NWD1: variants seen among roughly 807,000 people sequenced by gnomAD.
NWD1 encodes the protein NACHT domain- and WD repeat-containing protein 1.
In NWD1, 129 loss-of-function variants were observed where a neutral mutation model predicts 135.1. The ratio of observed to expected loss-of-function variants is 0.96; its 90% CI spans 0.83 to 1.11. The LOEUF (loss-of-function observed/expected upper bound fraction) is 1.11, where lower values mean the gene tolerates loss of function less well. Ranked by LOEUF, NWD1 falls within the 50% of genes least tolerant of loss-of-function variation. The probability of loss-of-function intolerance (pLI) is 0.00; values close to 1 mark genes in which losing one functional copy is unlikely to be tolerated. For missense variants in NWD1, 1,740 were observed against 1,851.3 expected (o/e 0.94, Z 1.10); for synonymous variants, 773 against 786.0 (o/e 0.98, Z 0.28).
In NWD1 at chr19:16,800,065, C is replaced by T; in HGVS notation, c.3639C>T (p.Asp1213=). ...HRSRVPAPFL[D]RTGLTAVSHN... ...CCCGGGTGCCTGCACCATTTCTGGACCGCACCGGCCTCACCGCAGTGTCCC... is the reference window on the plus strand; with the variant it reads ...CCCGGGTGCCTGCACCATTTCTGGATCGCACCGGCCTCACCGCAGTGTCCC... Residue 1213 remains aspartate, a synonymous_variant, in exon 17 of 19, where the codon GAC becomes GAT. Coordinates refer to ENST00000524140, the MANE Select transcript of NWD1 (RefSeq NM_001007525.5). 1 of 1,614,156 alleles carries T rather than the reference C, an allele frequency of 6.2e-7. No individual in the cohort carries two copies. The highest frequency in any genetic ancestry group is 1.3e-5 in the African/African-American group (1 of 75,066).
At chr19:16,809,108 G>A (rs1483117517) in intron 18 of NWD1, among the ~76,000 whole-genome samples, 2 of 147,490 alleles carry the variant, frequency 1.4e-5, no homozygotes, top group Admixed American at 1.4e-4. Context: ...TTTTTTTTTT[G>A]AGATGGAGTC....
At chr19:16,737,577 T>C (rs569298666) in intron 4 of NWD1, among the ~76,000 whole-genome samples, 1,805 of 152,032 alleles carry the variant, frequency 0.012, 42 homozygotes, top group African/African-American at 0.041. Context: ...TTTTTTTTTT[T>C]TTTTGAGATG....
Position 16,759,314 on chromosome 19 carries a change from G to A in NWD1, c.1859G>A (p.Ser620Asn). The change falls in exon 7 of 19, where the codon AGC (serine) becomes AAC (asparagine). Residue 620 changes from serine to asparagine, a missense_variant. Coordinates refer to ENST00000524140, the MANE Select transcript of NWD1 (RefSeq NM_001007525.5). ...GTGTACCGAGATTGGACCCCGCCCA[G>A]CAAGGAGCTGCTGCGCTTCCCGCCC... ...QDVYRDWTPP[S>N]KELLRFPPLL... The A allele has an allele frequency of 6.2e-7, 1 of 1,614,096 alleles. No individual in the cohort carries two copies. Among genetic ancestry groups the A allele is most frequent in the South Asian group, 1.1e-5 (1 of 91,090 alleles).
At chr19:16,814,953 C>A in intron 18 of NWD1, 75 bp from the exon 19 acceptor site, 2 of 1,343,816 alleles carry the variant, frequency 1.5e-6, no homozygotes, top group Non-Finnish European at 2.1e-6. Flanking sequence ...TTCCATGCAG[C>A]CAACTCTGGA....
chr19:16,778,094 G>C (rs74706248), intron 11 of NWD1, among the ~76,000 whole-genome samples: 3,685 of 152,066 alleles, frequency 0.024, 151 homozygotes, highest in African/African-American at 0.084. Flanking sequence ...TCTCTGTCCC[G>C]ATGAGGTGGA....
chr19:16,793,903 T>A (rs781522475), intron 14 of NWD1, among the ~76,000 whole-genome samples: 55 of 151,864 alleles, frequency 3.6e-4, no homozygotes, highest in Middle Eastern at 3.2e-3. Context: ...ATTTAAAAAA[T>A]TTTTTAGAGA....
chr19:16,771,374 C>T (rs1258516067), intron 10 of NWD1, among the ~76,000 whole-genome samples: 5 of 152,200 alleles, frequency 3.3e-5, no homozygotes, highest in Middle Eastern at 3.4e-3. Context: ...TGCTTGAACC[C>T]GGGAGGCAGA....
chr19:16,752,685 C>G (rs554151225), intron 6 of NWD1, among the ~76,000 whole-genome samples: 1 of 152,088 alleles, frequency 6.6e-6, no homozygotes, highest in Non-Finnish European at 1.5e-5. Flanking sequence ...GATTTCCCGA[C>G]TGGCTTACAC....
chr19:16,754,174 TATCC>T (rs1417088452), intron 6 of NWD1, among the ~76,000 whole-genome samples: 2 of 150,480 alleles, frequency 1.3e-5, no homozygotes, highest in Non-Finnish European at 3.0e-5. Context: ...TCCATCCATC[TATCC>T]ATCATCTCGA....
chr19:16,754,187 G>A (rs780094612), intron 6 of NWD1, among the ~76,000 whole-genome samples: 4 of 134,210 alleles, frequency 3.0e-5, no homozygotes, highest in South Asian at 2.5e-4. Flanking sequence ...CCATCATCTC[G>A]ATCTTCCATC....
At chr19:16,766,945 C>CAGATGT (rs1450895200) in intron 10 of NWD1, among the ~76,000 whole-genome samples, 1 of 152,120 alleles carries the variant, frequency 6.6e-6, no homozygotes, top group Non-Finnish European at 1.5e-5. Context: ...TAATGTGCAG[C>CAGATGT]TATCACCACC....
intron 1 of NWD1, 22 bp from the exon 2 acceptor site, chr19:16,724,344 G>A (rs1967245244): frequency 6.6e-6 from 1 of 152,150 alleles, no homozygotes. Flanking sequence ...CGCCCTGAAT[G>A]GCTCTTACTT....
chr19:16,789,514 T>C (rs1344396010), intron 13 of NWD1, among the ~76,000 whole-genome samples: 1 of 152,188 alleles, frequency 6.6e-6, no homozygotes, highest in East Asian at 1.9e-4. Flanking sequence ...ACATTCAGTT[T>C]AAAATACTTT....
chr19:16,774,817 A>G (rs1419315122), intron 11 of NWD1, among the ~76,000 whole-genome samples: 1 of 149,600 alleles, frequency 6.7e-6, no homozygotes. Context: ...TTATCCTTCC[A>G]TTTTCTTCAT....
intron 12 of NWD1, among the ~76,000 whole-genome samples, chr19:16,787,159 C>T (rs908927894): frequency 1.3e-5 from 2 of 151,980 alleles, no homozygotes; most frequent in African/African-American, 4.8e-5. Flanking sequence ...CAAGGTCTTG[C>T]TGTGTTGCTG....
chr19:16,734,994 G>T (rs1430845496), intron 3 of NWD1, among the ~76,000 whole-genome samples: 1 of 151,916 alleles, frequency 6.6e-6, no homozygotes, highest in Non-Finnish European at 1.5e-5. Flanking sequence ...GAACTCCTGG[G>T]TTCAAGCAAT....
intron 14 of NWD1, among the ~76,000 whole-genome samples, chr19:16,793,983 C>T (rs1970336435): frequency 6.6e-6 from 1 of 152,164 alleles, no homozygotes; most frequent in African/African-American, 2.4e-5. Context: ...CCTCCAACTC[C>T]TAGGGGCACA....
At chr19:16,740,630 G>A (rs1002584235) in intron 4 of NWD1, among the ~76,000 whole-genome samples, 3 of 147,590 alleles carry the variant, frequency 2.0e-5, no homozygotes, top group Non-Finnish European at 3.0e-5. Flanking sequence ...GAGCCACTGC[G>A]CCCAGACTTC....
rs777314228 is a variant in NWD1, at chr19:16,779,374, GAA to G, written c.2641_2642del (p.Lys881AlafsTer77). 1.9e-6 allele frequency: 3 copies of G among 1,613,886 alleles called. No individual in the cohort carries two copies. The highest frequency in any genetic ancestry group is 2.5e-6 in the Non-Finnish European group (3 of 1,179,996). ...ITAMAWGVEE[K>X]LLVIGTQDGI... ...CCGCCATGGCATGGGGTGTGGAGGAGAAGCTGCTGGTGATTGGCACCCAGGAT... is the reference window on the plus strand; with the variant it reads ...CCGCCATGGCATGGGGTGTGGAGGAGGCTGCTGGTGATTGGCACCCAGGAT... On this transcript the variant is annotated frameshift_variant, in exon 12 of 19. Coordinates refer to ENST00000524140, the MANE Select transcript of NWD1 (RefSeq NM_001007525.5). LOFTEE classifies it high-confidence loss of function.
Sources: allele counts gnomAD v4.1 joint callset (sites outside exome capture counted in the v4.1 genomes callset), GRCh38; gene constraint gnomAD v4.1.1; transcripts MANE v1.5; gene names NCBI Gene and HGNC (gene_info 2026-07-23, HGNC 2026-07-21).